RNF4: variants seen among roughly 807,000 people sequenced by gnomAD.
RNF4 encodes the protein E3 ubiquitin-protein ligase RNF4.
In RNF4, 7 loss-of-function variants were observed where a neutral mutation model predicts 24.3. That is an observed-to-expected ratio of 0.29 (90% CI 0.16 to 0.54). The LOEUF (loss-of-function observed/expected upper bound fraction) is 0.54, where lower values mean the gene tolerates loss of function less well. Among genes scored for constraint, RNF4 ranks in the 20% least tolerant of loss-of-function variants. The pLI is 0.95. For missense variants in RNF4, 209 were observed against 248.5 expected (o/e 0.84, Z 1.07); for synonymous variants, 83 against 84.3 (o/e 0.98, Z 0.09).
intron 2 of RNF4, among the ~76,000 whole-genome samples, chr4:2,495,292 C>T (rs1034607135): frequency 2.6e-5 from 4 of 152,142 alleles, no homozygotes; most frequent in Admixed American, 1.3e-4. Context: ...TGTTGCCTAG[C>T]GAGGGCTTGG....
chr4:2,479,593 C>G (rs1003010775), intron 1 of RNF4, among the ~76,000 whole-genome samples: 2 of 152,138 alleles, frequency 1.3e-5, no homozygotes, highest in Non-Finnish European at 2.9e-5. Context: ...CCACGTAAGA[C>G]GGGACTTACT....
intron 1 of RNF4, among the ~76,000 whole-genome samples, chr4:2,482,931 C>T (rs536216251): frequency 4.7e-4 from 72 of 152,312 alleles, no homozygotes; most frequent in African/African-American, 1.5e-3. Flanking sequence ...TAGCTACATC[C>T]TGCCAAGTCT....
intron 1 of RNF4, among the ~76,000 whole-genome samples, chr4:2,488,431 C>A (rs887744957): frequency 7.2e-5 from 11 of 151,986 alleles, no homozygotes; most frequent in African/African-American, 2.7e-4. Flanking sequence ...CCAGTCTGGG[C>A]AACAGAGTGA....
chr4:2,490,635 A>C (rs1374520868), intron 2 of RNF4, 133 bp downstream of exon 2: 1 of 907,974 alleles, frequency 1.1e-6, no homozygotes, highest in Non-Finnish European at 1.7e-6. Flanking sequence ...GAGTATGTAT[A>C]GGAGCTTTCT....
At chr4:2,513,631 A>G (rs1172354727) in intron 7 of RNF4, 39 bp from the exon 8 acceptor site, 1 of 1,609,774 alleles carries the variant, frequency 6.2e-7, no homozygotes, top group Non-Finnish European at 8.5e-7. Context: ...CTCTGGGACA[A>G]GGGCAAACTC....
intron 1 of RNF4, among the ~76,000 whole-genome samples, chr4:2,473,273 A>G (rs971363648): frequency 6.6e-6 from 1 of 151,928 alleles, no homozygotes; most frequent in African/African-American, 2.4e-5. Context: ...AGTCCCAGCT[A>G]CTTGAGGAGC....
chr4:2,474,202 C>T (rs1217725052), intron 1 of RNF4, among the ~76,000 whole-genome samples: 9 of 129,190 alleles, frequency 7.0e-5, no homozygotes, highest in South Asian at 2.7e-4. Context: ...GGTGAAACAC[C>T]GTCTCTACTA....
intron 1 of RNF4, among the ~76,000 whole-genome samples, chr4:2,474,711 A>G (rs2108748620): frequency 6.6e-6 from 1 of 152,312 alleles, no homozygotes; most frequent in East Asian, 1.9e-4. Flanking sequence ...CAACTGATGC[A>G]GCAAACTTCA....
chr4:2,507,854 T>C (rs893467756), intron 4 of RNF4, among the ~76,000 whole-genome samples: 1 of 152,150 alleles, frequency 6.6e-6, no homozygotes, highest in Non-Finnish European at 1.5e-5. Flanking sequence ...TTTTCTTTTT[T>C]TTTTTCTTTT....
intron 2 of RNF4, among the ~76,000 whole-genome samples, chr4:2,495,383 AC>A (rs1403926029): frequency 6.6e-6 from 1 of 152,110 alleles, no homozygotes; most frequent in East Asian, 1.9e-4. Context: ...GGACAGATTG[AC>A]CCTAGTAAGG....
At chr4:2,489,635 G>T (rs1039356756) in intron 1 of RNF4, among the ~76,000 whole-genome samples, 1 of 152,212 alleles carries the variant, frequency 6.6e-6, no homozygotes, top group African/African-American at 2.4e-5. Context: ...GGCCACAAGG[G>T]TCTTGTCCTT....
chr4:2,513,935 AT>A lies in RNF4; in HGVS notation c.*117del, dbSNP rs1246777514. ...GACTGTTTCGAAACCAACATCTGAT[AT>A]GTAAACTGCTCTTTTGTTTCCAACC... On this transcript the variant is annotated 3_prime_UTR_variant, in exon 8 of 8. Transcript: ENST00000314289. 7.5e-7 allele frequency: 1 copy of A among 1,331,568 alleles called. No homozygotes were observed. The highest frequency in any genetic ancestry group is 1.1e-6 in the Non-Finnish European group (1 of 947,876). 82.5% of individuals were successfully genotyped at this position (1,331,568 alleles called of 1,614,324 possible).
chr4:2,486,383 C>T (rs1405251358), intron 1 of RNF4, among the ~76,000 whole-genome samples: 1 of 152,140 alleles, frequency 6.6e-6, no homozygotes, highest in Admixed American at 6.5e-5. Context: ...GTCCCCACCA[C>T]GCTGGGATGC....
Position 2,515,047 on chromosome 4 carries a change from G to A in RNF4, c.*1228G>A, listed in dbSNP as rs1736377351. ...AAAGTGGCCCAAGCTGCCCCTGACA[G>A]CACAGGGCCTGGGGGGTGGCTAACG... On this transcript the variant is annotated 3_prime_UTR_variant, in exon 8 of 8. Transcript: ENST00000314289. The A allele has an allele frequency of 1.7e-5, 1 of 57,544 alleles. No individual in the cohort carries two copies. Among genetic ancestry groups the A allele is most frequent in the South Asian group, 6.7e-4 (1 of 1,494 alleles). 3.6% of individuals were successfully genotyped at this position (57,544 alleles called of 1,614,324 possible).
In RNF4 at chr4:2,512,577, T is replaced by G. The variant is rs1343475222; in HGVS notation, c.354T>G (p.Asp118Glu). The change falls in exon 6 of 8, where the codon GAT becomes GAG. Residue 118 changes from aspartate (D) to glutamate (E), a missense_variant. This residue lies in a region of RNF4 where 182 missense variants were observed against 197.2 expected (regional missense o/e 0.92). Transcript: ENST00000314289. The surrounding 1 kb of genome is among the most constrained non-coding windows in gnomAD (Gnocchi z 4.1). ...VTTHTPRNARDEGATGLRPSG... is the reference protein window; with the variant it reads ...VTTHTPRNAREEGATGLRPSG... ...CCCATACTCCCAGAAACGCCAGGGA[T>G]GAGGGCGCTACAGGCCTCAGGTACC... is the stretch of plus-strand genomic sequence containing the variant. 1 of 1,613,856 alleles carries G rather than the reference T, an allele frequency of 6.2e-7. No individual in the cohort carries two copies. The highest frequency in any genetic ancestry group is 1.1e-5 in the South Asian group (1 of 91,076).
In RNF4 at chr4:2,512,118, C is replaced by T; in HGVS notation, c.214+153C>T. ...CGCAGATGCTGTGGTCAGACCCACACAGCCAGTCCCCCTTGTGCCTGCTGA... is the reference window on the plus strand; with the variant it reads ...CGCAGATGCTGTGGTCAGACCCACATAGCCAGTCCCCCTTGTGCCTGCTGA... On this transcript the variant is annotated intron_variant, in intron 5 of 7. Coordinates refer to ENST00000314289, the MANE Select transcript of RNF4 (RefSeq NM_002938.5). This position sits in a 1 kb window ranked among gnomAD's most constrained non-coding sequence, Gnocchi z 4.1. 1.5e-6 allele frequency: 1 copy of T among 682,228 alleles called. No homozygotes were observed. Among genetic ancestry groups the T allele is most frequent in the Non-Finnish European group, 2.5e-6 (1 of 394,558 alleles). The allele number at this position is 682,228 out of a possible 1,614,324, so 42.3% of individuals were successfully genotyped here.
At position 2,472,180 on chromosome 4, in the gene RNF4, C is replaced by G. The variant is rs138670672; in HGVS notation, c.-158+2922C>G. Among the ~76,000 whole-genome samples, 74 of 152,206 alleles carry G rather than the reference C, an allele frequency of 4.9e-4. 2 individuals are homozygous for G. In the East Asian group the frequency reaches 0.013, roughly 27 times the overall value. ...ATTTACCATTCTGAAAATCCTAGGG[C>G]CCTTAAGAAGTATGCAAAAATCTAC... On this transcript the variant is annotated intron_variant, in intron 1 of 7. Transcript: ENST00000314289.
At position 2,512,719 on chromosome 4, in the gene RNF4, G is replaced by C. The variant is rs1736303363; in HGVS notation, c.374+122G>C. 2.6e-6 allele frequency: 3 copies of C among 1,142,858 alleles called. No homozygotes were observed. The highest frequency in any genetic ancestry group is 1.6e-5 in the South Asian group (1 of 63,678). The allele number at this position is 1,142,858 out of a possible 1,614,324, so 70.8% of individuals were successfully genotyped here. A position where few individuals can be genotyped will look rare whatever the true frequency, so the allele number is the denominator to read the frequency against. Reference sequence around the variant, plus strand: ...AAGGGCTTGCCCAAGCCTCTACCCAGCATCTGGATACAGTTGGAACTGGGT... The same window carrying C: ...AAGGGCTTGCCCAAGCCTCTACCCACCATCTGGATACAGTTGGAACTGGGT... On this transcript the variant is annotated intron_variant, in intron 6 of 7. Transcript: ENST00000314289. This position sits in a 1 kb window ranked among gnomAD's most constrained non-coding sequence, Gnocchi z 4.1.
chr4:2,487,447 G>A (rs1255691903), intron 1 of RNF4, among the ~76,000 whole-genome samples: 9 of 152,080 alleles, frequency 5.9e-5, no homozygotes, highest in African/African-American at 1.2e-4. Context: ...CACCACACCC[G>A]GCTAATTTTT....
Sources: gnomAD v4.1 joint callset for allele counts (sites outside exome capture counted in the v4.1 genomes callset) on GRCh38, gnomAD v4.1.1 for gene constraint, gnomAD v4.1.1 regional missense constraint, Gnocchi (gnomAD v3.1) non-coding constraint, MANE v1.5 for transcripts, NCBI Gene and HGNC (gene_info 2026-07-23, HGNC 2026-07-21) for gene names.